Variants in WRAP73 observed in about 807,000 individuals in gnomAD.
WRAP73 encodes the protein WD repeat containing, antisense to TP73.
Under a neutral mutation model 59.6 loss-of-function variants are expected in WRAP73, and 55 were observed. The observed-to-expected ratio is 0.92, with a 90% CI of 0.74 to 1.15. The LOEUF (loss-of-function observed/expected upper bound fraction) is 1.15, where lower values mean the gene tolerates loss of function less well. Ranked by LOEUF, WRAP73 falls within the 50% of genes most tolerant of loss-of-function variation. WRAP73 has a pLI of 0.00. For synonymous variants in WRAP73, 265 were observed against 258.2 expected (o/e 1.03, Z -0.25); for missense variants, 592 against 608.1 (o/e 0.97, Z 0.28).
At chr1:3,631,404 C>T (rs535179259) in intron 11 of WRAP73, 62 bp downstream of exon 11, 46 of 1,531,816 alleles carry the variant, frequency 3.0e-5, no homozygotes, top group Admixed American at 3.0e-4. Flanking sequence ...CAGTTCAGCC[C>T]GTGTGATGCC....
At chr1:3,631,785 C>T (rs1644537250) in intron 10 of WRAP73, 128 bp from the exon 11 acceptor site, 1 of 1,447,288 alleles carries the variant, frequency 6.9e-7, no homozygotes, top group Non-Finnish European at 9.1e-7. Context: ...GGCGGCTGCA[C>T]CCTGCAGTCT....
chr1:3,632,668 T>C (rs1644548088), intron 9 of WRAP73: 1 of 374,046 alleles, frequency 2.7e-6, no homozygotes, highest in South Asian at 2.2e-5. Context: ...AGCACTTTTC[T>C]GTCGACTACC....
intron 1 of WRAP73, among the ~76,000 whole-genome samples, chr1:3,648,747 C>T (rs1168544972): frequency 6.6e-6 from 1 of 152,210 alleles, no homozygotes; most frequent in East Asian, 1.9e-4. Context: ...TGTAATCTTT[C>T]TCCTTATAAT....
At position 3,650,075 on chromosome 1, in the gene WRAP73, G is replaced by C; in HGVS notation, c.-76C>G. 1 of 1,424,078 alleles carries C rather than the reference G, an allele frequency of 7.0e-7. No individual in the cohort carries two copies. The highest frequency in any genetic ancestry group is 9.4e-7 in the Non-Finnish European group (1 of 1,067,712). 88.2% of individuals were successfully genotyped at this position (1,424,078 alleles called of 1,614,324 possible). ...CCTGGGCGCGCAGCAGGCTGCAACA[G>C]CCGACGCCGGCCTCCGAGGCCGGAA... On this transcript the variant is annotated 5_prime_UTR_variant, in exon 1 of 12. Coordinates refer to ENST00000270708, the MANE Select transcript of WRAP73 (RefSeq NM_017818.4).
chr1:3,643,547 A>T (rs1406759968), intron 3 of WRAP73, among the ~76,000 whole-genome samples: 1 of 151,996 alleles, frequency 6.6e-6, no homozygotes, highest in East Asian at 2.0e-4. Flanking sequence ...CGCCTTCGCA[A>T]GTGGACTCAG....
At position 3,638,767 on chromosome 1, in the gene WRAP73, G is replaced by C; in HGVS notation, c.395C>G (p.Pro132Arg). The change falls in exon 4 of 12, where the codon CCG (proline) becomes CGG (arginine). Residue 132 changes from proline to arginine, a missense_variant. Pro to Arg is a moderately radical substitution (Grantham distance 103, BLOSUM62 -2). Coordinates refer to ENST00000270708, the MANE Select transcript of WRAP73 (RefSeq NM_017818.4). Reference sequence around the variant, plus strand: ...CGACTCACCCTGCAGACAAGCTTTCGGGTATTTGATGTAAGACACGGATTT... The same window carrying C: ...CGACTCACCCTGCAGACAAGCTTTCCGGTATTTGATGTAAGACACGGATTT... ...CTKSVSYIKY[P>R]KACLQGITFT... 1 of 1,614,130 alleles carries C rather than the reference G, an allele frequency of 6.2e-7. No homozygotes were observed.
intron 3 of WRAP73, among the ~76,000 whole-genome samples, chr1:3,642,555 A>T (rs972680497): frequency 1.1e-4 from 17 of 152,238 alleles, no homozygotes; most frequent in Middle Eastern, 3.4e-3. Context: ...CCTGACCAAC[A>T]TGAGAAACCC....
intron 3 of WRAP73, among the ~76,000 whole-genome samples, chr1:3,644,556 T>A (rs1451042045): frequency 6.6e-6 from 1 of 152,226 alleles, no homozygotes; most frequent in East Asian, 1.9e-4. Flanking sequence ...ACCATTAAAG[T>A]TCGCATGCAA....
rs761127377 is a variant in WRAP73 at position 3,647,511 on chromosome 1, T to C, written c.119A>G (p.Gln40Arg). 13 of 1,613,822 alleles carry C rather than the reference T, an allele frequency of 8.1e-6. No homozygotes were observed. The Admixed American group carries it at 1.5e-4, about 19-fold the overall frequency. Residue 40 changes from glutamine (Q) to arginine (R), a missense_variant, in exon 2 of 12, where the codon CAG (glutamine) becomes CGG (arginine). Physicochemically the swap from Gln to Arg is conservative, Grantham distance 43. Coordinates refer to ENST00000270708, the MANE Select transcript of WRAP73 (RefSeq NM_017818.4). ...RLVVRDVNTL[Q>R]ILQLYTCLDQ... ...TAGGCACGTGTACAGCTGAAGGATC[T>C]GAAGGGTGTTCACATCCCGGACCAC...
intron 4 of WRAP73, 109 bp from the exon 5 acceptor site, chr1:3,637,207 A>G: frequency 3.1e-6 from 3 of 971,870 alleles, no homozygotes; most frequent in Non-Finnish European, 4.7e-6. Flanking sequence ...AGAGGTGAAA[A>G]GAAGGGAAAT....
At chr1:3,632,049 A>G (rs1475318200) in intron 10 of WRAP73, 164 bp downstream of exon 10, 2 of 1,492,720 alleles carry the variant, frequency 1.3e-6, no homozygotes, top group Non-Finnish European at 1.8e-6. Context: ...ACAAAGGCCC[A>G]GCGCCTCCAA....
chr1:3,640,315 A>G (rs1446378139), intron 3 of WRAP73, among the ~76,000 whole-genome samples: 1 of 152,264 alleles, frequency 6.6e-6, no homozygotes, highest in Non-Finnish European at 1.5e-5. Context: ...ACTTCCCACC[A>G]GCGTGTCTGA....
rs1195869256 is a variant in WRAP73 at position 3,637,099 on chromosome 1, C to T, written c.413-1G>A. 1.2e-6 allele frequency: 2 copies of T among 1,605,664 alleles called. No individual in the cohort carries two copies. The highest frequency in any genetic ancestry group is 2.2e-5 in the East Asian group (1 of 44,604). On this transcript the variant is annotated splice_acceptor_variant, in intron 4 of 11. Transcript: ENST00000270708. LOFTEE classifies it high-confidence loss of function. ...CGGCCGTCCCTGGTGAAGGTGATTC[C>T]TGTGGGAAGAGGCAAATGCACTGAA...
rs573285831 is a variant in WRAP73 at position 3,638,445 on chromosome 1, C to A, written c.412+305G>T. Among the ~76,000 whole-genome samples the A allele has an allele frequency of 3.3e-5, 5 of 152,374 alleles. No homozygotes were observed. In the East Asian group the frequency reaches 7.7e-4, roughly 23 times the overall value. On this transcript the variant is annotated intron_variant, in intron 4 of 11. Coordinates refer to ENST00000270708, the MANE Select transcript of WRAP73 (RefSeq NM_017818.4). The stretch of plus-strand genomic sequence containing the variant: ...GCATCGGCTGGAAGGGGTCTGAACG[C>A]CCAGCTCTGCCGCCAAGGTCAAGGG...
In WRAP73 at chr1:3,649,992, A is replaced by G. The variant is rs749805097; in HGVS notation, c.8T>C (p.Phe3Ser). 1.5e-5 allele frequency: 24 copies of G among 1,597,116 alleles called. No homozygotes were observed. The highest frequency in any genetic ancestry group is 1.3e-5 in the Non-Finnish European group (15 of 1,173,642). Reference sequence around the variant, plus strand: ...GCTGGAGAGCTTGAATACCTCGGAGAAGTTCATGGCCGCCGCCTGCCGCGG... The same window carrying G: ...GCTGGAGAGCTTGAATACCTCGGAGGAGTTCATGGCCGCCGCCTGCCGCGG... MN[F>S]SEVFKLSSLL... is the part of the protein sequence containing the mutation. Residue 3 changes from phenylalanine to serine, a missense_variant, in exon 1 of 12, where the codon TTC (phenylalanine) becomes TCC (serine). Phe to Ser is a radical substitution (Grantham distance 155). Coordinates refer to ENST00000270708, the MANE Select transcript of WRAP73 (RefSeq NM_017818.4).
intron 5 of WRAP73, 83 bp from the exon 6 acceptor site, chr1:3,636,113 C>T (rs998159466): frequency 2.0e-5 from 20 of 1,014,486 alleles, no homozygotes; most frequent in Middle Eastern, 4.2e-4. Flanking sequence ...ATGTTCTTAA[C>T]GCACTTAATT....
Position 3,638,784 on chromosome 1 carries a change from C to T in WRAP73, c.378G>A (p.Val126=). 1 of 1,614,164 alleles carries T rather than the reference C, an allele frequency of 6.2e-7. No individual in the cohort carries two copies. The highest frequency in any genetic ancestry group is 8.5e-7 in the Non-Finnish European group (1 of 1,180,016). Reference sequence around the variant, plus strand: ...AAGCTTTCGGGTATTTGATGTAAGACACGGATTTTGTGCACAAGGACCAGA... The same window carrying T: ...AAGCTTTCGGGTATTTGATGTAAGATACGGATTTTGTGCACAAGGACCAGA... The part of the protein sequence containing the change: ...ITVWSLCTKS[V]SYIKYPKACL... The change falls in exon 4 of 12, where the codon GTG becomes GTA. Residue 126 remains valine, a synonymous_variant. Coordinates refer to ENST00000270708, the MANE Select transcript of WRAP73 (RefSeq NM_017818.4).
In WRAP73 at chr1:3,635,937, T is replaced by G; in HGVS notation, c.603+7A>C. Reference sequence around the variant, plus strand: ...AAAGCAAACATGTCACCTGGTCATCTTCATACCTCCAAGCAGGTGTCCCAC... The same window carrying G: ...AAAGCAAACATGTCACCTGGTCATCGTCATACCTCCAAGCAGGTGTCCCAC... On this transcript the variant is annotated splice_region_variant and intron_variant, in intron 6 of 11. Coordinates refer to ENST00000270708, the MANE Select transcript of WRAP73 (RefSeq NM_017818.4). The G allele has an allele frequency of 6.2e-7, 1 of 1,613,242 alleles. No homozygotes were observed. The highest frequency in any genetic ancestry group is 8.5e-7 in the Non-Finnish European group (1 of 1,179,410).
In WRAP73 at chr1:3,630,919, T is replaced by A. The variant is rs1644525180; in HGVS notation, c.*56A>T. 1.1e-5 allele frequency: 18 copies of A among 1,568,742 alleles called. No individual in the cohort carries two copies. Among genetic ancestry groups the A allele is most frequent in the Non-Finnish European group, 1.6e-5 (18 of 1,153,570 alleles). ...GAACCTCCTGGTGAAGCTGTGTTTTTTCCCACACTGGAAACACAGAGTAGC... is the reference window on the plus strand; with the variant it reads ...GAACCTCCTGGTGAAGCTGTGTTTTATCCCACACTGGAAACACAGAGTAGC... On this transcript the variant is annotated 3_prime_UTR_variant, in exon 12 of 12. Transcript: ENST00000270708.
Sources: allele counts gnomAD v4.1 joint callset (sites outside exome capture counted in the v4.1 genomes callset), GRCh38; gene constraint gnomAD v4.1.1; transcripts MANE v1.5; gene names NCBI Gene and HGNC (gene_info 2026-07-23, HGNC 2026-07-21).